FLNB: variants seen among roughly 807,000 people sequenced by gnomAD.
FLNB encodes filamin-B.
Under a neutral mutation model 250.6 loss-of-function variants are expected in FLNB, and 111 were observed. That is an observed-to-expected ratio of 0.44 (90% CI 0.38 to 0.52). FLNB has a LOEUF of 0.52. Ranked by LOEUF, FLNB falls within the 20% of genes least tolerant of loss-of-function variation. The probability of loss-of-function intolerance (pLI) is 0.00; values close to 1 mark genes in which losing one functional copy is unlikely to be tolerated. For missense variants in FLNB, 2,869 were observed against 3,447.8 expected (o/e 0.83, Z 4.20); for synonymous variants, 1,302 against 1,372.1 (o/e 0.95, Z 1.13).
intron 1 of FLNB, among the ~76,000 whole-genome samples, chr3:58,063,728 A>C (rs2097181594): frequency 6.6e-6 from 1 of 152,172 alleles, no homozygotes; most frequent in Non-Finnish European, 1.5e-5. Context: ...TCTCTACAGC[A>C]GGCTAATATG....
At chr3:58,067,879 G>A (rs1010887372) in intron 1 of FLNB, among the ~76,000 whole-genome samples, 1 of 152,244 alleles carries the variant, frequency 6.6e-6, no homozygotes, top group Middle Eastern at 3.4e-3. Context: ...CTGGCCAGAG[G>A]TTTTCTTAAA....
intron 1 of FLNB, among the ~76,000 whole-genome samples, chr3:58,020,674 T>TCAG (rs1485486789): frequency 1.3e-5 from 2 of 150,610 alleles, no homozygotes; most frequent in African/African-American, 4.9e-5. Flanking sequence ...CATAAGGCTG[T>TCAG]CAGCCTTTAC....
intron 9 of FLNB, among the ~76,000 whole-genome samples, chr3:58,103,056 G>A (rs530864685): frequency 3.9e-5 from 6 of 152,276 alleles, no homozygotes; most frequent in African/African-American, 1.4e-4. Flanking sequence ...TGAGCTTCCT[G>A]TACCAGGATT....
At chr3:58,054,102 GA>G (rs1174881013) in intron 1 of FLNB, among the ~76,000 whole-genome samples, 2 of 152,102 alleles carry the variant, frequency 1.3e-5, no homozygotes, top group Non-Finnish European at 2.9e-5. Flanking sequence ...AGAGTGCCTG[GA>G]ATTGCCCACT....
At chr3:58,093,103 C>G (rs568469774) in intron 4 of FLNB, among the ~76,000 whole-genome samples, 6 of 152,216 alleles carry the variant, frequency 3.9e-5, no homozygotes, top group Non-Finnish European at 8.8e-5. Flanking sequence ...TTACCCCTTC[C>G]TCATGTTATG....
chr3:58,093,266 C>G (rs2097231373), intron 4 of FLNB, among the ~76,000 whole-genome samples: 1 of 152,120 alleles, frequency 6.6e-6, no homozygotes, highest in South Asian at 2.1e-4. Context: ...GCGTCTGTCC[C>G]CATGAAGTTG....
intron 10 of FLNB, 36 bp downstream of exon 10, chr3:58,104,121 G>T: frequency 6.2e-7 from 1 of 1,612,264 alleles, no homozygotes; most frequent in African/African-American, 1.3e-5. Context: ...TTCTCTGGAG[G>T]GTGCTCGGCC....
rs1400186341 is a variant in FLNB, at chr3:58,024,723, TTTTTTA to T, written c.292+15868_292+15873del. On this transcript the variant is annotated intron_variant, in intron 1 of 45. Coordinates refer to ENST00000295956, the MANE Select transcript of FLNB (RefSeq NM_001457.4). ...CTCCTTTTTTTTTTTTTTTTTTTTT[TTTTTTA>T]ACCTTGAGACAGTCTTGCTTTGTTG... Among the ~76,000 whole-genome samples, 69 of 100,828 alleles carry T rather than the reference TTTTTTA, an allele frequency of 6.8e-4. 2 individuals carry two copies. The highest frequency in any genetic ancestry group is 2.0e-3 in the East Asian group (3 of 1,468). The allele number at this position is 100,828 out of a possible 152,430, so 66.1% of individuals were successfully genotyped here.
chr3:58,038,071 C>G lies in FLNB; in HGVS notation c.292+29215C>G, dbSNP rs150191318. Among the ~76,000 whole-genome samples, 18 of 152,096 alleles carry G rather than the reference C, an allele frequency of 1.2e-4. No individual in the cohort carries two copies. In the East Asian group the frequency reaches 3.5e-3, roughly 29 times the overall value. ...TATGACAGAGTTTCGCTCTTGTTGC[C>G]CAGGCTAGAGTGCAATGGCATGATC... On this transcript the variant is annotated intron_variant, in intron 1 of 45. Coordinates refer to ENST00000295956, the MANE Select transcript of FLNB (RefSeq NM_001457.4).
chr3:58,011,369 T>C (rs2097098673), intron 1 of FLNB, among the ~76,000 whole-genome samples: 2 of 152,252 alleles, frequency 1.3e-5, no homozygotes, highest in Admixed American at 6.5e-5. Flanking sequence ...TTTTTTCCTT[T>C]TTAATGATTT....
chr3:58,095,634 G>C (rs539191121), intron 5 of FLNB, among the ~76,000 whole-genome samples: 1 of 152,244 alleles, frequency 6.6e-6, no homozygotes, highest in East Asian at 1.9e-4. Context: ...CCATTCTTTG[G>C]TTCCTCCCTC....
At chr3:58,115,417 G>A (rs1172034778) in intron 18 of FLNB, among the ~76,000 whole-genome samples, 3 of 152,158 alleles carry the variant, frequency 2.0e-5, no homozygotes, top group Non-Finnish European at 4.4e-5. Flanking sequence ...TGGCTGAGCC[G>A]TTAGAAAGTA....
At chr3:58,034,603 A>G (rs2097135477) in intron 1 of FLNB, among the ~76,000 whole-genome samples, 1 of 152,206 alleles carries the variant, frequency 6.6e-6, no homozygotes, top group South Asian at 2.1e-4. Context: ...AGGAAGCAGT[A>G]GAGAAAGACT....
At chr3:58,055,542 A>G (rs1044960209) in intron 1 of FLNB, among the ~76,000 whole-genome samples, 3 of 152,146 alleles carry the variant, frequency 2.0e-5, no homozygotes, top group African/African-American at 7.2e-5. Context: ...GGAACTACAA[A>G]TGGGAACAGT....
rs779404037 is a variant in FLNB at position 58,145,943 on chromosome 3, G to A, written c.5448G>A (p.Val1816=). 8.1e-6 allele frequency: 13 copies of A among 1,614,184 alleles called. No homozygotes were observed. In the South Asian group the frequency reaches 1.3e-4, roughly 16 times the overall value. ...CAGAGAGCCCACTCCAGTTCTACGT[G>A]AACTACCCCAACAGTGGAAGTGTTT... ...HIPESPLQFY[V]NYPNSGSVSA... Residue 1816 remains valine (V), a synonymous_variant, in exon 33 of 46, where the codon GTG becomes GTA. Transcript: ENST00000295956.
At chr3:58,079,048 T>C (rs2097205483) in intron 3 of FLNB, among the ~76,000 whole-genome samples, 1 of 152,230 alleles carries the variant, frequency 6.6e-6, no homozygotes, top group Admixed American at 6.5e-5. Context: ...GAAATTTTCA[T>C]GTCACTCTTC....
chr3:58,052,986 A>G (rs1018532857), intron 1 of FLNB, among the ~76,000 whole-genome samples: 1 of 152,190 alleles, frequency 6.6e-6, no homozygotes, highest in Non-Finnish European at 1.5e-5. Flanking sequence ...TATGCCTCTC[A>G]GTACTGTACT....
intron 1 of FLNB, among the ~76,000 whole-genome samples, chr3:58,067,464 T>C (rs1196181869): frequency 6.6e-6 from 1 of 152,242 alleles, no homozygotes; most frequent in Non-Finnish European, 1.5e-5. Flanking sequence ...ACTTGTATTT[T>C]ACTGTGGTTT....
At chr3:58,163,548 C>T (rs1447852395) in intron 43 of FLNB, 3 of 580,934 alleles carry the variant, frequency 5.2e-6, no homozygotes, top group Non-Finnish European at 9.2e-6. Flanking sequence ...CGTGTTATCA[C>T]ACCTCATTAC....
Sources: gnomAD v4.1 joint callset for allele counts (sites outside exome capture counted in the v4.1 genomes callset) on GRCh38, gnomAD v4.1.1 for gene constraint, MANE v1.5 for transcripts, NCBI Gene and HGNC (gene_info 2026-07-23, HGNC 2026-07-21) for gene names.